The following ABCE1 variants were observed in gnomAD, a reference collection of about 807,000 sequenced individuals.
The protein encoded by ABCE1 is ATP binding cassette subfamily E member 1, also known as ATP-binding cassette sub-family E member 1.
Under a neutral mutation model 83.4 loss-of-function variants are expected in ABCE1, and 22 were observed. The observed-to-expected ratio is 0.26, with a 90% CI of 0.19 to 0.38. The LOEUF (loss-of-function observed/expected upper bound fraction) is 0.38, where lower values mean the gene tolerates loss of function less well. Among genes scored for constraint, ABCE1 ranks in the 10% least tolerant of loss-of-function variants. The pLI is 1.00. For missense variants in ABCE1, 330 were observed against 721.9 expected, an observed-to-expected ratio of 0.46 and a Z score of 6.22; for synonymous variants, 204 against 233.7, an observed-to-expected ratio of 0.87 and a Z score of 1.16.
intron 10 of ABCE1, among the ~76,000 whole-genome samples, chr4:145,117,747 A>G (rs1289928472): frequency 6.6e-6 from 1 of 151,800 alleles, no homozygotes; most frequent in Admixed American, 6.6e-5. Context: ...TGACAGGCCA[A>G]TACCAGTAAT....
rs561356777 is a variant in ABCE1, at chr4:145,120,803, A to C, written c.1145-371A>C. On this transcript the variant is annotated intron_variant, in intron 11 of 17. Transcript: ENST00000296577. ...GGGTTGCAATTAATTTAAATATTTT[A>C]TATAAGTAAACTTTAAAATTACAGT... Among the ~76,000 whole-genome samples the C allele has an allele frequency of 1.8e-3, 277 of 152,264 alleles. 2 individuals carry two copies. The highest frequency in any genetic ancestry group is 2.8e-3 in the Non-Finnish European group (187 of 67,958).
intron 2 of ABCE1, among the ~76,000 whole-genome samples, chr4:145,104,719 T>G (rs1184864007): frequency 6.6e-6 from 1 of 151,942 alleles, no homozygotes; most frequent in Non-Finnish European, 1.5e-5. Flanking sequence ...AAGACCAAAT[T>G]TTAGAATAAT....
At chr4:145,102,538 A>T (rs1011035399) in intron 1 of ABCE1, among the ~76,000 whole-genome samples, 1 of 152,148 alleles carries the variant, frequency 6.6e-6, no homozygotes, top group Non-Finnish European at 1.5e-5. Flanking sequence ...TCCATTTGAG[A>T]TGATGAATTT....
At chr4:145,105,500 A>G (rs1344172002) in intron 2 of ABCE1, 105 bp from the exon 3 acceptor site, 13 of 732,658 alleles carry the variant, frequency 1.8e-5, no homozygotes, top group Non-Finnish European at 2.9e-5. Context: ...GTTTTTGAAA[A>G]TCTGCTTCTG....
At chr4:145,124,906 T>C in intron 16 of ABCE1, 84 bp from the exon 17 acceptor site, 1 of 882,660 alleles carries the variant, frequency 1.1e-6, no homozygotes. Flanking sequence ...GAGGTAATAG[T>C]AATTCTTAAT....
Position 145,121,344 on chromosome 4 carries a change from G to T in ABCE1, c.1216G>T (p.Val406Phe). 6.2e-7 allele frequency: 1 copy of T among 1,613,206 alleles called. No individual in the cohort carries two copies. Among genetic ancestry groups the T allele is most frequent in the Non-Finnish European group, 8.5e-7 (1 of 1,179,586 alleles). ...TCATTATTTTGCAGGAGAAGTACCA[G>T]TTCTAAATGTCAGTTATAAGCCACA... ...LKPDEGGEVP[V>F]LNVSYKPQKI... The change falls in exon 13 of 18, where the codon GTT (valine) becomes TTT (phenylalanine). Residue 406 changes from valine (V) to phenylalanine (F), a missense_variant. Val to Phe is a conservative substitution (Grantham distance 50). Transcript: ENST00000296577.
At chr4:145,111,526 C>A (rs1749475229) in intron 8 of ABCE1, among the ~76,000 whole-genome samples, 1 of 152,138 alleles carries the variant, frequency 6.6e-6, no homozygotes, top group Non-Finnish European at 1.5e-5. Context: ...CGGGGTTTCA[C>A]CATGTTAGCC....
intron 7 of ABCE1, 60 bp downstream of exon 7, chr4:145,110,504 T>C: frequency 6.5e-7 from 1 of 1,533,584 alleles, no homozygotes; most frequent in East Asian, 2.3e-5. Flanking sequence ...AGACGGAGTT[T>C]CGCTCTTGTT....
At chr4:145,103,873 C>T (rs2126699042) in intron 1 of ABCE1, among the ~76,000 whole-genome samples, 1 of 151,858 alleles carries the variant, frequency 6.6e-6, no homozygotes, top group East Asian at 1.9e-4. Context: ...GTAATCCTCC[C>T]ACCTCAGCCT....
Position 145,121,160 on chromosome 4 carries a change from T to TAC in ABCE1, c.1145-14_1145-13insAC. ...GCATCTTTCAGATCAAACTGTCATATGTTGTGTTGCCAGGAACGGGTAAAA... is the reference window on the plus strand; with the variant it reads ...GCATCTTTCAGATCAAACTGTCATATACGTTGTGTTGCCAGGAACGGGTAAAA... On this transcript the variant is annotated splice_polypyrimidine_tract_variant and intron_variant, in intron 11 of 17. Transcript: ENST00000296577. 2 of 1,612,802 alleles carry TAC rather than the reference T, an allele frequency of 1.2e-6. No individual in the cohort carries two copies. Among genetic ancestry groups the TAC allele is most frequent in the Non-Finnish European group, 1.7e-6 (2 of 1,179,736 alleles).
At chr4:145,127,252 C>T (rs576050832) in intron 17 of ABCE1, among the ~76,000 whole-genome samples, 1 of 152,254 alleles carries the variant, frequency 6.6e-6, no homozygotes, top group South Asian at 2.1e-4. Flanking sequence ...AATAATAACA[C>T]ATAGCAAAAT....
intron 9 of ABCE1, 92 bp from the exon 10 acceptor site, chr4:145,117,201 A>C (rs1749629408): frequency 8.9e-7 from 1 of 1,125,134 alleles, no homozygotes; most frequent in African/African-American, 1.6e-5. Flanking sequence ...CTTTATGCTT[A>C]AATTTTATTA....
rs1560958754 is a variant in ABCE1 at position 145,109,126 on chromosome 4, T to C, written c.288-6T>C. On this transcript the variant is annotated splice_polypyrimidine_tract_variant and splice_region_variant and intron_variant, in intron 4 of 17. Coordinates refer to ENST00000296577, the MANE Select transcript of ABCE1 (RefSeq NM_002940.3). ...TTGTTTTATTATTTTTGTATACTTG[T>C]AACAGGTTGCCTATCCCTCGTCCAG... The C allele has an allele frequency of 6.3e-7, 1 of 1,589,520 alleles. No individual in the cohort carries two copies. Among genetic ancestry groups the C allele is most frequent in the East Asian group, 2.2e-5 (1 of 44,676 alleles).
At chr4:145,100,891 T>G (rs1239676067) in intron 1 of ABCE1, among the ~76,000 whole-genome samples, 1 of 152,182 alleles carries the variant, frequency 6.6e-6, no homozygotes, top group Non-Finnish European at 1.5e-5. Flanking sequence ...GCAGAAATGC[T>G]TGATCTCCTG....
intron 10 of ABCE1, among the ~76,000 whole-genome samples, chr4:145,119,329 C>T (rs1749681326): frequency 6.6e-6 from 1 of 151,728 alleles, no homozygotes; most frequent in Non-Finnish European, 1.5e-5. Context: ...AATTTTATTA[C>T]AGAGGGTTCT....
chr4:145,108,383 A>G (rs1172638642), intron 4 of ABCE1, among the ~76,000 whole-genome samples: 1 of 152,180 alleles, frequency 6.6e-6, no homozygotes, highest in Non-Finnish European at 1.5e-5. Flanking sequence ...AGTATATTGA[A>G]AAAGTCCCAG....
intron 1 of ABCE1, among the ~76,000 whole-genome samples, chr4:145,102,882 T>C (rs1749191185): frequency 6.6e-6 from 1 of 152,106 alleles, no homozygotes. Context: ...AGGTCTAGGA[T>C]GTAACCAGAA....
Position 145,123,498 on chromosome 4 carries a change from A to C in ABCE1, c.1538A>C (p.Lys513Thr). 1 of 1,603,816 alleles carries C rather than the reference A, an allele frequency of 6.2e-7. No individual in the cohort carries two copies. Among genetic ancestry groups the C allele is most frequent in the Non-Finnish European group, 8.5e-7 (1 of 1,171,394 alleles). ...TTTAGTTTCATACTCCATGCAAAAA[A>C]GACAGCCTTTGTTGTGGAACATGAC... ...VVKRFILHAKKTAFVVEHDFI... is the reference protein window; with the variant it reads ...VVKRFILHAKTTAFVVEHDFI... The change falls in exon 16 of 18, where the codon AAG becomes ACG. Residue 513 changes from lysine (K) to threonine (T), a missense_variant. Lys to Thr is a moderately conservative substitution (Grantham distance 78). Coordinates refer to ENST00000296577, the MANE Select transcript of ABCE1 (RefSeq NM_002940.3).
At chr4:145,109,869 C>T (rs933856311) in intron 5 of ABCE1, among the ~76,000 whole-genome samples, 8 of 152,042 alleles carry the variant, frequency 5.3e-5, no homozygotes, top group African/African-American at 1.9e-4. Context: ...TATTAGATGC[C>T]CTTCTATGTC....
Sources: gnomAD v4.1 joint callset for allele counts (sites outside exome capture counted in the v4.1 genomes callset) on GRCh38, gnomAD v4.1.1 for gene constraint, MANE v1.5 for transcripts, NCBI Gene and HGNC (gene_info 2026-07-23, HGNC 2026-07-21) for gene names.